SPEN: variants seen among roughly 807,000 people sequenced by gnomAD.
The protein encoded by SPEN is msx2-interacting protein.
A neutral mutation model predicts 269.9 loss-of-function variants in SPEN; 18 were observed. That is an observed-to-expected ratio of 0.07 (90% CI 0.05 to 0.10). The LOEUF is 0.10. Ranked by LOEUF, SPEN falls within the 10% of genes least tolerant of loss-of-function variation. The pLI, the probability that SPEN is intolerant of heterozygous loss-of-function variation, is 1.00. For missense variants in SPEN, 3,822 were observed against 4,631.2 expected (o/e 0.83, Z 5.07); for synonymous variants, 1,726 against 1,765.7 (o/e 0.98, Z 0.56).
At chr1:15,927,111 C>G (rs551275022) in intron 10 of SPEN, among the ~76,000 whole-genome samples, 1 of 152,282 alleles carries the variant, frequency 6.6e-6, no homozygotes, top group East Asian at 1.9e-4. Flanking sequence ...TAATTGGTCT[C>G]TGTTACAGGT....
rs777683593 is a variant in SPEN at position 15,930,569 on chromosome 1, C to T, written c.4329C>T (p.Asp1443=). Residue 1443 remains aspartate (D), a synonymous_variant, in exon 11 of 15, where the codon GAC becomes GAT. Coordinates refer to ENST00000375759, the MANE Select transcript of SPEN (RefSeq NM_015001.3). The surrounding 1 kb of genome is among the most constrained non-coding windows in gnomAD (Gnocchi z 5.3). ...SFALDKTITP[D]TKALLERAKS... ...CATTGGATAAGACAATCACACCAGA[C>T]ACTAAAGCTTTGCTTGAAAGAGCTA... 14 of 1,613,972 alleles carry T rather than the reference C, an allele frequency of 8.7e-6. No homozygotes were observed. Among genetic ancestry groups the T allele is most frequent in the Non-Finnish European group, 3.4e-6 (4 of 1,179,954 alleles).
At chr1:15,918,117 T>C (rs2071082282) in intron 6 of SPEN, among the ~76,000 whole-genome samples, 1 of 152,272 alleles carries the variant, frequency 6.6e-6, no homozygotes, top group Admixed American at 6.5e-5. Flanking sequence ...GGCTCCAGCT[T>C]CTTTTGTCTT....
chr1:15,921,503 A>T (rs561536622), intron 9 of SPEN, among the ~76,000 whole-genome samples: 1 of 152,180 alleles, frequency 6.6e-6, no homozygotes, highest in Non-Finnish European at 1.5e-5. Flanking sequence ...ATCCTTCCCT[A>T]AAAATCTTCT....
intron 3 of SPEN, among the ~76,000 whole-genome samples, chr1:15,893,025 G>A (rs190586149): frequency 5.0e-4 from 76 of 152,256 alleles, no homozygotes; most frequent in Admixed American, 1.1e-3. Context: ...TTGAACCCAG[G>A]AGGTGGAGGT....
chr1:15,932,991 G>C lies in SPEN; in HGVS notation c.6751G>C (p.Ala2251Pro). The C allele has an allele frequency of 6.2e-7, 1 of 1,614,134 alleles. No homozygotes were observed. The highest frequency in any genetic ancestry group is 1.1e-5 in the South Asian group (1 of 91,090). The change falls in exon 11 of 15, where the codon GCA (alanine) becomes CCA (proline). Residue 2251 changes from alanine (A) to proline (P), a missense_variant. Ala to Pro is a conservative substitution (Grantham distance 27). Coordinates refer to ENST00000375759, the MANE Select transcript of SPEN (RefSeq NM_015001.3). The surrounding 1 kb of genome is among the most constrained non-coding windows in gnomAD (Gnocchi z 4.2). The part of the protein sequence containing the change: ...GESQTDLQPP[A>P]GAQALQPSEE... ...ATCCCAGACAGATCTGCAACCCCCC[G>C]CAGGTGCACAGGCGCTGCAGCCTTC...
Position 15,911,300 on chromosome 1 carries a change from A to G in SPEN, c.1242A>G (p.Pro414=), listed in dbSNP as rs1374152084. The G allele has an allele frequency of 1.2e-6, 2 of 1,613,818 alleles. No individual in the cohort carries two copies. The highest frequency in any genetic ancestry group is 8.5e-7 in the Non-Finnish European group (1 of 1,179,720). Residue 414 remains proline, a splice_region_variant and synonymous_variant, in exon 5 of 15, where the codon CCA becomes CCG. Transcript: ENST00000375759. ...MQIEVTAWIG[P]ETESENEFRP... ...TTGAAGTAACAGCATGGATAGGTCC[A>G]GGTAAGACACAAGCAAGCTGAGTTT...
intron 3 of SPEN, among the ~76,000 whole-genome samples, chr1:15,880,685 G>A (rs1015292284): frequency 6.6e-6 from 1 of 151,926 alleles, no homozygotes; most frequent in Non-Finnish European, 1.5e-5. Context: ...TCGAACTCCT[G>A]ACCTCAAGTG....
In SPEN at chr1:15,930,138, A is replaced by G; in HGVS notation, c.3898A>G (p.Ile1300Val). Residue 1300 changes from isoleucine to valine, a missense_variant, in exon 11 of 15, where the codon ATA becomes GTA. By Grantham distance (29) the Ile-to-Val change is conservative. Transcript: ENST00000375759. This position sits in a 1 kb window ranked among gnomAD's most constrained non-coding sequence, Gnocchi z 5.3. ...TGAAAAAGTCCTCCCCTATTCTAAC[A>G]TAACAGTCAGGGAAGAGTCTTTAAA... Reference protein sequence around the residue: ...VDEKVLPYSNITVREESLKFN... With the variant: ...VDEKVLPYSNVTVREESLKFN... 2.5e-6 allele frequency: 4 copies of G among 1,614,230 alleles called. No homozygotes were observed. The highest frequency in any genetic ancestry group is 1.1e-5 in the South Asian group (1 of 91,086).
chr1:15,920,838 T>C (rs764014868), intron 8 of SPEN, 32 bp from the exon 9 acceptor site: 89 of 1,367,710 alleles, frequency 6.5e-5, no homozygotes, highest in Non-Finnish European at 8.2e-5. Context: ...TGGATGAGGC[T>C]CTTACTTGTT....
chr1:15,901,331 A>AAAAT (rs1553177733), intron 3 of SPEN, among the ~76,000 whole-genome samples: 1 of 151,304 alleles, frequency 6.6e-6, no homozygotes, highest in African/African-American at 2.4e-5. Flanking sequence ...AAAAAATAAA[A>AAAAT]AAATAAAAAA....
At chr1:15,897,298 C>T (rs1048227728) in intron 3 of SPEN, among the ~76,000 whole-genome samples, 1 of 152,062 alleles carries the variant, frequency 6.6e-6, no homozygotes, top group African/African-American at 2.4e-5. Context: ...AAGCGATTCT[C>T]CTGTCTCAGC....
At chr1:15,865,632 C>A (rs114166184) in intron 1 of SPEN, among the ~76,000 whole-genome samples, 22 of 151,856 alleles carry the variant, frequency 1.4e-4, no homozygotes, top group African/African-American at 5.3e-4. Context: ...CCGTATTGCC[C>A]CCAGGCTGGT....
intron 3 of SPEN, among the ~76,000 whole-genome samples, chr1:15,903,650 G>A (rs2070924528): frequency 6.6e-6 from 1 of 151,978 alleles, no homozygotes; most frequent in South Asian, 2.1e-4. Context: ...TATTGTGCCT[G>A]GCCTCAAATT....
At position 15,935,982 on chromosome 1, in the gene SPEN, G is replaced by GC; in HGVS notation, c.9747dup (p.Val3250ArgfsTer17). 4.3e-6 allele frequency: 4 copies of GC among 934,046 alleles called. No homozygotes were observed. The highest frequency in any genetic ancestry group is 5.8e-6 in the Non-Finnish European group (4 of 695,614). The allele number at this position is 934,046 out of a possible 1,614,324, so 57.9% of individuals were successfully genotyped here. ...CAAAGCTGCCCCCACCCCCACCCCT[G>GC]CCCCCGTCCCTGTCCCTGTCCCCCT... On this transcript the variant is annotated frameshift_variant, in exon 11 of 15. Coordinates refer to ENST00000375759, the MANE Select transcript of SPEN (RefSeq NM_015001.3). LOFTEE classifies it high-confidence loss of function. The surrounding 1 kb of genome is among the most constrained non-coding windows in gnomAD (Gnocchi z 7.7).
At chr1:15,859,794 C>A (rs1455730950) in intron 1 of SPEN, among the ~76,000 whole-genome samples, 1 of 149,040 alleles carries the variant, frequency 6.7e-6, no homozygotes, top group Non-Finnish European at 1.5e-5. Flanking sequence ...AAAAAGACTT[C>A]TTATTTCTGG....
intron 1 of SPEN, among the ~76,000 whole-genome samples, chr1:15,860,044 TG>T (rs1468765079): frequency 6.6e-6 from 1 of 150,542 alleles, no homozygotes; most frequent in Non-Finnish European, 1.5e-5. Context: ...CCTGAGTAGC[TG>T]GGATTACAGG....
At chr1:15,869,971 C>T (rs945413693) in intron 1 of SPEN, among the ~76,000 whole-genome samples, 1 of 151,940 alleles carries the variant, frequency 6.6e-6, no homozygotes, top group African/African-American at 2.4e-5. Context: ...TGGGTTCAAG[C>T]GATTCTCCCG....
intron 3 of SPEN, among the ~76,000 whole-genome samples, chr1:15,897,646 G>A (rs1049581529): frequency 6.6e-6 from 1 of 152,034 alleles, no homozygotes; most frequent in Non-Finnish European, 1.5e-5. Flanking sequence ...ACAGGCGTGG[G>A]CCACCACGCC....
intron 3 of SPEN, among the ~76,000 whole-genome samples, chr1:15,894,264 C>A (rs956180081): frequency 6.6e-6 from 1 of 152,070 alleles, no homozygotes; most frequent in African/African-American, 2.4e-5. Flanking sequence ...TCTTTTTTGT[C>A]TCTTAAATAA....
Sources: gnomAD v4.1 joint callset for allele counts (sites outside exome capture counted in the v4.1 genomes callset) on GRCh38, gnomAD v4.1.1 for gene constraint, Gnocchi (gnomAD v3.1) non-coding constraint, MANE v1.5 for transcripts, NCBI Gene and HGNC (gene_info 2026-07-23, HGNC 2026-07-21) for gene names.